PPP2R2B: variants seen among roughly 807,000 people sequenced by gnomAD.
The protein encoded by PPP2R2B is protein phosphatase 2 regulatory subunit Bbeta, also known as serine/threonine-protein phosphatase 2A 55 kDa regulatory subunit B beta isoform.
A neutral mutation model predicts 46.0 loss-of-function variants in PPP2R2B; 5 were observed. The ratio of observed to expected loss-of-function variants is 0.11; its 90% CI spans 0.06 to 0.23. The LOEUF (loss-of-function observed/expected upper bound fraction) is 0.23. PPP2R2B is among the 10% of genes least tolerant of loss of function. The pLI, the probability that PPP2R2B is intolerant of heterozygous loss-of-function variation, is 1.00. For synonymous variants in PPP2R2B, 215 were observed against 206.7 expected (o/e 1.04, Z -0.34); for missense variants, 367 against 575.0 (o/e 0.64, Z 3.70).
intron 2 of PPP2R2B, among the ~76,000 whole-genome samples, chr5:146,737,206 T>C (rs1752585558): frequency 6.6e-6 from 1 of 152,192 alleles, no homozygotes; most frequent in Non-Finnish European, 1.5e-5. Flanking sequence ...GCACTGTGAA[T>C]GTTCATTGAC....
chr5:147,043,171 A>T (rs944075580), intron 1 of PPP2R2B, among the ~76,000 whole-genome samples: 9 of 152,036 alleles, frequency 5.9e-5, no homozygotes, highest in African/African-American at 1.7e-4. Context: ...AAGACAACCT[A>T]AAATAGGTCT....
intron 7 of PPP2R2B, among the ~76,000 whole-genome samples, chr5:146,616,614 G>A (rs1773192436): frequency 6.6e-6 from 1 of 152,112 alleles, no homozygotes; most frequent in African/African-American, 2.4e-5. Flanking sequence ...TGGCAGATAG[G>A]CATACAAAAA....
intron 1 of PPP2R2B, among the ~76,000 whole-genome samples, chr5:146,908,270 G>A (rs1763066425): frequency 6.6e-6 from 1 of 152,164 alleles, no homozygotes; most frequent in African/African-American, 2.4e-5. Context: ...ACAGATCTTT[G>A]TAAAGGTTGG....
chr5:146,850,971 A>T (rs1169284955), intron 2 of PPP2R2B, among the ~76,000 whole-genome samples: 1 of 152,176 alleles, frequency 6.6e-6, no homozygotes, highest in Non-Finnish European at 1.5e-5. Flanking sequence ...GTCACTTCAC[A>T]TAATAAATTT....
chr5:146,878,457 C>G lies in PPP2R2B; in HGVS notation c.-125+134G>C. On this transcript the variant is annotated intron_variant, in intron 1 of 9. Transcript: ENST00000394411. This position sits in a 1 kb window ranked among gnomAD's most constrained non-coding sequence, Gnocchi z 4.5. ...GTCTGGGGAGATGCCCAACAGGTTCCCCTCCTTGGCAGCCGCTCCAAAATG... is the reference window on the plus strand; with the variant it reads ...GTCTGGGGAGATGCCCAACAGGTTCGCCTCCTTGGCAGCCGCTCCAAAATG... The G allele has an allele frequency of 7.3e-7, 1 of 1,377,532 alleles. No individual in the cohort carries two copies. Among genetic ancestry groups the G allele is most frequent in the Non-Finnish European group, 9.4e-7 (1 of 1,064,768 alleles). 85.3% of individuals were successfully genotyped at this position (1,377,532 alleles called of 1,614,324 possible). A position where few individuals can be genotyped will look rare whatever the true frequency, so the allele number is the denominator to read the frequency against.
At chr5:146,691,033 C>T in intron 5 of PPP2R2B, 95 bp downstream of exon 5, 1 of 1,029,134 alleles carries the variant, frequency 9.7e-7, no homozygotes, top group Non-Finnish European at 1.5e-6. Context: ...CTCACTGGCC[C>T]ATTATAGTTG....
chr5:146,895,078 A>G (rs1046095689), intron 1 of PPP2R2B, among the ~76,000 whole-genome samples: 3 of 152,214 alleles, frequency 2.0e-5, no homozygotes, highest in Non-Finnish European at 4.4e-5. Context: ...AGGAATTTAG[A>G]GCTTCCTTTC....
intron 1 of PPP2R2B, among the ~76,000 whole-genome samples, chr5:146,972,795 A>G (rs574932773): frequency 1.3e-5 from 2 of 152,292 alleles, no homozygotes; most frequent in Non-Finnish European, 2.9e-5. Context: ...ATATCTTTTC[A>G]TAAGCTTAAG....
chr5:146,868,033 C>T (rs949656157), intron 2 of PPP2R2B, among the ~76,000 whole-genome samples: 4 of 152,144 alleles, frequency 2.6e-5, no homozygotes, highest in Admixed American at 2.6e-4. Flanking sequence ...GAGAGCTTAA[C>T]CTCATTGATT....
At chr5:146,638,159 G>A in intron 7 of PPP2R2B, 92 bp downstream of exon 7, 1 of 1,327,746 alleles carries the variant, frequency 7.5e-7, no homozygotes, top group Non-Finnish European at 1.0e-6. Flanking sequence ...AGTGTGTCTG[G>A]TGTAGAAAGG....
intron 1 of PPP2R2B, among the ~76,000 whole-genome samples, chr5:146,948,378 T>A (rs1391627356): frequency 1.3e-5 from 2 of 152,070 alleles, no homozygotes; most frequent in African/African-American, 4.8e-5. Context: ...TCTTATAGGT[T>A]AGTTGGGAGG....
chr5:146,920,406 ATGGGCC>A (rs1162163225), intron 1 of PPP2R2B, among the ~76,000 whole-genome samples: 4 of 152,208 alleles, frequency 2.6e-5, no homozygotes, highest in Non-Finnish European at 5.9e-5. Context: ...GCTGTCAACC[ATGGGCC>A]GTGCAGGCAG....
intron 1 of PPP2R2B, among the ~76,000 whole-genome samples, chr5:146,984,252 C>A (rs1310560532): frequency 6.6e-6 from 1 of 152,174 alleles, no homozygotes; most frequent in Admixed American, 6.5e-5. Flanking sequence ...TCTCATTCCT[C>A]CAACCTCCCA....
chr5:147,071,537 T>G (rs1757598856), intron 2 of PPP2R2B, among the ~76,000 whole-genome samples: 1 of 152,154 alleles, frequency 6.6e-6, no homozygotes, highest in South Asian at 2.1e-4. Flanking sequence ...TGGCCACAAG[T>G]CCAGTCCTTA....
chr5:146,600,503 T>C lies in PPP2R2B; in HGVS notation c.791-43A>G, dbSNP rs1353504477. 4 of 1,591,920 alleles carry C rather than the reference T, an allele frequency of 2.5e-6. No individual in the cohort carries two copies. The South Asian group carries it at 4.5e-5, about 18-fold the overall frequency. ...AACAAGACAAATTTAGCAATCCTTATCAACTGACTCTAACATGTTTGGACT... is the reference window on the plus strand; with the variant it reads ...AACAAGACAAATTTAGCAATCCTTACCAACTGACTCTAACATGTTTGGACT... On this transcript the variant is annotated intron_variant, in intron 7 of 9. Coordinates refer to ENST00000394411, the MANE Select transcript of PPP2R2B (RefSeq NM_181675.4).
At chr5:146,667,877 A>C (rs887793273) in intron 5 of PPP2R2B, among the ~76,000 whole-genome samples, 1 of 152,114 alleles carries the variant, frequency 6.6e-6, no homozygotes, top group Non-Finnish European at 1.5e-5. Flanking sequence ...TTTCAGCCCA[A>C]TTGCTCAGTG....
intron 2 of PPP2R2B, among the ~76,000 whole-genome samples, chr5:146,788,546 C>G (rs1277027312): frequency 6.6e-6 from 1 of 152,136 alleles, no homozygotes; most frequent in Non-Finnish European, 1.5e-5. Flanking sequence ...GCCCAGCCAA[C>G]AAGACGAAAC....
chr5:146,811,296 C>T (rs915384889), intron 2 of PPP2R2B, among the ~76,000 whole-genome samples: 1 of 152,190 alleles, frequency 6.6e-6, no homozygotes, highest in Non-Finnish European at 1.5e-5. Context: ...CGGCGTCCAG[C>T]CATATGGCTC....
chr5:146,750,520 G>A (rs74358288), intron 2 of PPP2R2B, among the ~76,000 whole-genome samples: 1 of 152,254 alleles, frequency 6.6e-6, no homozygotes, highest in South Asian at 2.1e-4. Flanking sequence ...GAACATGCAG[G>A]CTTCTTGTGA....
Sources: allele counts gnomAD v4.1 joint callset (sites outside exome capture counted in the v4.1 genomes callset), GRCh38; gene constraint gnomAD v4.1.1; non-coding constraint Gnocchi (gnomAD v3.1); transcripts MANE v1.5; gene names NCBI Gene and HGNC (gene_info 2026-07-23, HGNC 2026-07-21).